CDC42BPB: variants seen among roughly 807,000 people sequenced by gnomAD.
CDC42BPB encodes the protein serine/threonine-protein kinase MRCK beta.
A neutral mutation model predicts 214.9 loss-of-function variants in CDC42BPB; 37 were observed. That is an observed-to-expected ratio of 0.17 (90% CI 0.13 to 0.23). CDC42BPB has a LOEUF of 0.23. Among genes scored for constraint, CDC42BPB ranks in the 10% least tolerant of loss-of-function variants. CDC42BPB has a pLI of 1.00. For synonymous variants in CDC42BPB, 931 were observed against 884.0 expected, an observed-to-expected ratio of 1.05 and a Z score of -0.94; for missense variants, 1,694 against 2,227.0, an observed-to-expected ratio of 0.76 and a Z score of 4.82.
chr14:102,972,642 T>C (rs1893530201), intron 12 of CDC42BPB, among the ~76,000 whole-genome samples: 1 of 126,984 alleles, frequency 7.9e-6, no homozygotes, highest in African/African-American at 2.9e-5. Context: ...TGAGCCGAGA[T>C]TGTGCCACTG....
rs1357907383 is a variant in CDC42BPB, at chr14:102,968,495, C to T, written c.2217G>A (p.Lys739=). The change falls in exon 15 of 37, where the codon AAG becomes AAA. Residue 739 remains lysine, a synonymous_variant. Coordinates refer to ENST00000361246, the MANE Select transcript of CDC42BPB (RefSeq NM_006035.4). The part of the protein sequence containing the change: ...LQKEILMLKD[K]LEKSKRERHN... ...ACCGTTCTCGCTTTGACTTTTCTAACTTATCTTTTAACATCAAGATTTCTT... is the reference window on the plus strand; with the variant it reads ...ACCGTTCTCGCTTTGACTTTTCTAATTTATCTTTTAACATCAAGATTTCTT... 4 of 1,614,182 alleles carry T rather than the reference C, an allele frequency of 2.5e-6. No homozygotes were observed. The highest frequency in any genetic ancestry group is 2.7e-5 in the African/African-American group (2 of 75,030).
rs1041435390 is a variant in CDC42BPB, at chr14:102,974,428, C to A, written c.1508-279G>T. On this transcript the variant is annotated intron_variant, in intron 11 of 36. Coordinates refer to ENST00000361246, the MANE Select transcript of CDC42BPB (RefSeq NM_006035.4). ...GCACTGGGAGCCCTTGGGTGGCGCA[C>A]ACACTCGTCTGCTCAGTCCCTCTAA... is the stretch of plus-strand genomic sequence containing the variant. The A allele has an allele frequency of 5.5e-6, 5 of 912,438 alleles. No individual in the cohort carries two copies. In the African/African-American group the frequency reaches 9.1e-5, roughly 17 times the overall value. The allele number at this position is 912,438 out of a possible 1,614,324, so 56.5% of individuals were successfully genotyped here.
chr14:103,003,594 C>A (rs896478784), intron 4 of CDC42BPB, among the ~76,000 whole-genome samples: 1 of 152,238 alleles, frequency 6.6e-6, no homozygotes, highest in Non-Finnish European at 1.5e-5. Context: ...AAAACATCCA[C>A]GTGGCTTAAT....
chr14:103,053,535 G>T (rs1015704245), intron 1 of CDC42BPB, among the ~76,000 whole-genome samples: 24 of 151,868 alleles, frequency 1.6e-4, no homozygotes, highest in African/African-American at 5.3e-4. Flanking sequence ...GCCAAGGGGG[G>T]CAGATCACGA....
At chr14:103,003,867 C>G in intron 4 of CDC42BPB, 61 bp downstream of exon 4, 2 of 1,340,242 alleles carry the variant, frequency 1.5e-6, no homozygotes, top group South Asian at 2.5e-5. Flanking sequence ...TTTTTAGTGA[C>G]AGCATAAAGG....
chr14:102,972,717 A>C (rs1595481437), intron 12 of CDC42BPB, among the ~76,000 whole-genome samples: 1 of 47,110 alleles, frequency 2.1e-5, no homozygotes, highest in Non-Finnish European at 7.9e-5. Context: ...AAAAAAAAAA[A>C]AAAAAAAAAA....
chr14:103,026,887 T>C (rs1036703317), intron 1 of CDC42BPB, among the ~76,000 whole-genome samples: 4 of 138,756 alleles, frequency 2.9e-5, no homozygotes, highest in African/African-American at 1.1e-4. Flanking sequence ...AAAAAAAAAG[T>C]GAGAAGACAA....
At position 103,012,238 on chromosome 14, in the gene CDC42BPB, A is replaced by G. The variant is rs752053524; in HGVS notation, c.176-50T>C. On this transcript the variant is annotated intron_variant, in intron 1 of 36. Transcript: ENST00000361246. ...CAATTTAGTCTAATCAGTTCATACT[A>G]TATAAAAATTTAATTGAGTGGGGTG... 8.5e-6 allele frequency: 13 copies of G among 1,522,748 alleles called. 1 individual carries two copies. The South Asian group carries it at 1.1e-4, about 13-fold the overall frequency. 94.3% of individuals were successfully genotyped at this position (1,522,748 alleles called of 1,614,324 possible).
intron 36 of CDC42BPB, chr14:102,937,142 C>A (rs1164507816): frequency 6.6e-6 from 1 of 152,228 alleles, no homozygotes; most frequent in Non-Finnish European, 1.5e-5. Flanking sequence ...AAGAGGGACA[C>A]CATGTCCTCT....
At chr14:102,939,582 G>C in intron 34 of CDC42BPB, 28 bp downstream of exon 34, 1 of 1,536,764 alleles carries the variant, frequency 6.5e-7, no homozygotes, top group Non-Finnish European at 9.0e-7. Context: ...GGGGTGCCCT[G>C]CCCGCCCTAT....
At chr14:102,991,925 A>G (rs148647762) in intron 5 of CDC42BPB, among the ~76,000 whole-genome samples, 5 of 152,256 alleles carry the variant, frequency 3.3e-5, no homozygotes, top group African/African-American at 1.2e-4. Context: ...GGTAGCCCCT[A>G]GCCACAGAGG....
chr14:102,938,940 AT>A (rs528691728), intron 34 of CDC42BPB, among the ~76,000 whole-genome samples: 20,247 of 121,078 alleles, frequency 0.17, 2,834 homozygotes, highest in African/African-American at 0.4. Flanking sequence ...AAAATACATA[AT>A]TTTTTTTTTT....
At chr14:102,990,125 A>T (rs1357098952) in intron 5 of CDC42BPB, among the ~76,000 whole-genome samples, 1 of 152,198 alleles carries the variant, frequency 6.6e-6, no homozygotes, top group African/African-American at 2.4e-5. Context: ...CTACGTACTC[A>T]AAGAATAAAA....
At chr14:103,021,083 A>C (rs1353644103) in intron 1 of CDC42BPB, among the ~76,000 whole-genome samples, 1 of 152,238 alleles carries the variant, frequency 6.6e-6, no homozygotes, top group Non-Finnish European at 1.5e-5. Context: ...ACCAGGAAGT[A>C]TAACGCTGTA....
chr14:103,031,229 A>T (rs1386759900), intron 1 of CDC42BPB, among the ~76,000 whole-genome samples: 1 of 152,138 alleles, frequency 6.6e-6, no homozygotes, highest in Non-Finnish European at 1.5e-5. Flanking sequence ...TCTTTGGCTC[A>T]CCATCCCCAC....
At chr14:102,947,137 G>C (rs1892218422) in intron 27 of CDC42BPB, among the ~76,000 whole-genome samples, 1 of 152,206 alleles carries the variant, frequency 6.6e-6, no homozygotes, top group Non-Finnish European at 1.5e-5. Flanking sequence ...TACTGTGTAT[G>C]ACAGGGTTGT....
intron 5 of CDC42BPB, among the ~76,000 whole-genome samples, chr14:102,987,008 C>T (rs1297597055): frequency 6.6e-6 from 1 of 152,216 alleles, no homozygotes; most frequent in East Asian, 1.9e-4. Context: ...AAGCTCTGTG[C>T]TGAGTACCAC....
In CDC42BPB at chr14:103,021,780, G is replaced by A. The variant is rs150410219; in HGVS notation, c.176-9592C>T. Among the ~76,000 whole-genome samples, 62 of 152,272 alleles carry A rather than the reference G, an allele frequency of 4.1e-4. 1 individual carries two copies. The East Asian group carries it at 0.01, about 26-fold the overall frequency. ...CCTGAGGAGCGGGGTGGGCCAGAGC[G>A]GGGGTCGTGTGGTACAGGCGGGGAT... On this transcript the variant is annotated intron_variant, in intron 1 of 36. Coordinates refer to ENST00000361246, the MANE Select transcript of CDC42BPB (RefSeq NM_006035.4).
chr14:102,953,429 C>T (rs570275370), intron 23 of CDC42BPB, among the ~76,000 whole-genome samples: 1 of 152,356 alleles, frequency 6.6e-6, no homozygotes, highest in South Asian at 2.1e-4. Flanking sequence ...CCTGACTCTG[C>T]AAGAGTCTTA....
Sources: allele counts gnomAD v4.1 joint callset (sites outside exome capture counted in the v4.1 genomes callset), GRCh38; gene constraint gnomAD v4.1.1; transcripts MANE v1.5; gene names NCBI Gene and HGNC (gene_info 2026-07-23, HGNC 2026-07-21).